The following NOMO1 variants were observed in gnomAD, a reference collection of about 807,000 sequenced individuals.
The protein encoded by NOMO1 is NODAL modulator 1, also known as nodal modulator 3.
Under a neutral mutation model 133.8 loss-of-function variants are expected in NOMO1, and 40 were observed. The ratio of observed to expected loss-of-function variants is 0.30; its 90% CI spans 0.23 to 0.39. The LOEUF (loss-of-function observed/expected upper bound fraction) is 0.39, where lower values mean the gene tolerates loss of function less well. NOMO1 is among the 10% of genes least tolerant of loss of function. NOMO1 has a pLI of 1.00. For missense variants in NOMO1, 462 were observed against 1,419.9 expected (o/e 0.33, Z 10.84); for synonymous variants, 236 against 570.5 (o/e 0.41, Z 8.36).
At chr16:14,846,466 T>C in intron 4 of NOMO1, 111 bp from the exon 5 acceptor site, 1 of 543,358 alleles carries the variant, frequency 1.8e-6, no homozygotes. Flanking sequence ...AATGGGATTC[T>C]TGACCCAAAG....
chr16:14,857,683 G>T (rs2606821), intron 11 of NOMO1, 28 bp downstream of exon 11: 12 of 1,613,518 alleles, frequency 7.4e-6, no homozygotes, highest in Middle Eastern at 1.7e-4. Flanking sequence ...ATTTGGAAGC[G>T]CCAGTAAATA....
intron 2 of NOMO1, among the ~76,000 whole-genome samples, chr16:14,839,678 A>G (rs1224214607): frequency 6.6e-6 from 1 of 151,202 alleles, no homozygotes; most frequent in African/African-American, 2.4e-5. Flanking sequence ...TTTCAATACC[A>G]GAGGGACATT....
At chr16:14,857,430 A>C in intron 10 of NOMO1, 75 bp from the exon 11 acceptor site, 1 of 1,576,250 alleles carries the variant, frequency 6.3e-7, no homozygotes, top group Middle Eastern at 2.0e-4. Context: ...CTTTTGGTCC[A>C]AGTATTCTGG....
chr16:14,851,031 C>A lies in NOMO1; in HGVS notation c.583-1399C>A, dbSNP rs1012745232. ...CCTGGGAGGTGGAGGTAGCAGTGAGCCAAGATTGCACCACTGCACTTCAGC... is the reference window on the plus strand; with the variant it reads ...CCTGGGAGGTGGAGGTAGCAGTGAGACAAGATTGCACCACTGCACTTCAGC... On this transcript the variant is annotated intron_variant, in intron 6 of 30. Transcript: ENST00000287667. 8.2e-4 allele frequency among the ~76,000 whole-genome samples: 119 copies of A among 144,434 alleles called. 1 individual carries two copies. The Middle Eastern group carries it at 0.01, about 13-fold the overall frequency. 94.8% of individuals were successfully genotyped at this position (144,434 alleles called of 152,430 possible).
chr16:14,876,409 T>C lies in NOMO1; in HGVS notation c.2407T>C (p.Leu803=). ...GATCCATGGGAAGGCAGGCCTGTTT[T>C]TAGAAGGCCAGATCCACCCCGAGTT... The part of the protein sequence containing the change: ...IEIHGKAGLF[L]EGQIHPELEG... The change falls in exon 21 of 31, where the codon TTA becomes CTA. Residue 803 remains leucine (L), a synonymous_variant. Transcript: ENST00000287667. 6.2e-7 allele frequency: 1 copy of C among 1,611,232 alleles called. No individual in the cohort carries two copies. The highest frequency in any genetic ancestry group is 8.5e-7 in the Non-Finnish European group (1 of 1,179,726).
chr16:14,840,740 C>T (rs1963593801), intron 2 of NOMO1, among the ~76,000 whole-genome samples: 1 of 147,276 alleles, frequency 6.8e-6, no homozygotes, highest in African/African-American at 2.5e-5. Context: ...TGGTTCACTG[C>T]AGCACTGACC....
intron 1 of NOMO1, among the ~76,000 whole-genome samples, chr16:14,836,544 A>T (rs1425752649): frequency 6.6e-6 from 1 of 151,778 alleles, no homozygotes; most frequent in Non-Finnish European, 1.5e-5. Context: ...TTTTACAGAC[A>T]TGGAAACTGA....
intron 18 of NOMO1, among the ~76,000 whole-genome samples, chr16:14,874,366 C>T (rs1259055897): frequency 6.6e-6 from 1 of 151,882 alleles, no homozygotes; most frequent in Admixed American, 6.6e-5. Flanking sequence ...GCTTGAACAT[C>T]TGAGTGAGCT....
At chr16:14,867,527 A>C (rs1029644119) in intron 15 of NOMO1, among the ~76,000 whole-genome samples, 2 of 108,342 alleles carry the variant, frequency 1.8e-5, no homozygotes, top group Middle Eastern at 4.5e-3. Context: ...GTTCCAGTGC[A>C]GGGGAAGAAG....
chr16:14,839,625 T>C (rs976331774), intron 2 of NOMO1, among the ~76,000 whole-genome samples: 3 of 150,238 alleles, frequency 2.0e-5, no homozygotes, highest in African/African-American at 7.3e-5. Context: ...AATCAAACAA[T>C]AGGATTTATT....
In NOMO1 at chr16:14,895,670, C is replaced by T. The variant is rs1487629007; in HGVS notation, c.*25C>T. ...AGGAGGAAGGGGACAGTTGCAGTCT[C>T]ACTTGGGACAGGCCACAGCCAGGGG... On this transcript the variant is annotated 3_prime_UTR_variant, in exon 31 of 31. Coordinates refer to ENST00000287667, the MANE Select transcript of NOMO1 (RefSeq NM_014287.4). 1 of 1,611,984 alleles carries T rather than the reference C, an allele frequency of 6.2e-7. No individual in the cohort carries two copies. Among genetic ancestry groups the T allele is most frequent in the Non-Finnish European group, 8.5e-7 (1 of 1,179,872 alleles).
intron 9 of NOMO1, 150 bp from the exon 10 acceptor site, chr16:14,857,067 T>A (rs2606824): frequency 9.5e-7 from 1 of 1,052,062 alleles, no homozygotes; most frequent in Non-Finnish European, 1.4e-6. Flanking sequence ...AGAGGGAGCC[T>A]GGCTGGCACA....
At position 14,890,241 on chromosome 16, in the gene NOMO1, CT is replaced by C. The variant is rs1324618330; in HGVS notation, c.3444+1027del. Among the ~76,000 whole-genome samples, 143 of 122,668 alleles carry C rather than the reference CT, an allele frequency of 1.2e-3. 2 individuals are homozygous for C. The highest frequency in any genetic ancestry group is 4.0e-3 in the African/African-American group (128 of 31,958). 80.5% of individuals were successfully genotyped at this position (122,668 alleles called of 152,430 possible). A position where few individuals can be genotyped will look rare whatever the true frequency, so the allele number is the denominator to read the frequency against. On this transcript the variant is annotated intron_variant, in intron 29 of 30. Transcript: ENST00000287667. Reference sequence around the variant, plus strand: ...TAAAGCTCAGATGCAGTATTGTCACCTGATGATTAAACAGACACATCAGCAA... The same window carrying C: ...TAAAGCTCAGATGCAGTATTGTCACCGATGATTAAACAGACACATCAGCAA...
intron 14 of NOMO1, among the ~76,000 whole-genome samples, chr16:14,865,665 G>T (rs1360188502): frequency 7.2e-6 from 1 of 138,806 alleles, no homozygotes; most frequent in East Asian, 2.1e-4. Context: ...CCTTTTCCTT[G>T]CCCTTCTTAA....
chr16:14,860,935 G>A (rs1437935353), intron 11 of NOMO1, among the ~76,000 whole-genome samples: 1 of 148,944 alleles, frequency 6.7e-6, no homozygotes, highest in Non-Finnish European at 1.5e-5. Flanking sequence ...GCTCACTGCA[G>A]CCTCCGCCTC....
chr16:14,858,553 CAA>C (rs1305704484), intron 11 of NOMO1, among the ~76,000 whole-genome samples: 1 of 151,676 alleles, frequency 6.6e-6, no homozygotes, highest in Non-Finnish European at 1.5e-5. Context: ...GCGGCATGAG[CAA>C]AGTCAGGCAG....
At chr16:14,866,722 G>C (rs1964002014) in intron 15 of NOMO1, 31 bp downstream of exon 15, 2 of 1,609,692 alleles carry the variant, frequency 1.2e-6, no homozygotes, top group Admixed American at 1.7e-5. Context: ...CTCTTATTTG[G>C]AAAAGCGCTC....
chr16:14,847,136 AG>A (rs1382129365), intron 5 of NOMO1, among the ~76,000 whole-genome samples: 2 of 133,338 alleles, frequency 1.5e-5, no homozygotes, highest in African/African-American at 2.9e-5. Flanking sequence ...CTGAGGCGGG[AG>A]GATTGCTTGA....
chr16:14,893,670 G>A (rs554786530), intron 29 of NOMO1, among the ~76,000 whole-genome samples: 6 of 151,390 alleles, frequency 4.0e-5, no homozygotes, highest in South Asian at 2.1e-4. Context: ...AGCAGTTCTC[G>A]GATGGGTTGG....
Sources: gnomAD v4.1 joint callset for allele counts (sites outside exome capture counted in the v4.1 genomes callset) on GRCh38, gnomAD v4.1.1 for gene constraint, MANE v1.5 for transcripts, NCBI Gene and HGNC (gene_info 2026-07-23, HGNC 2026-07-21) for gene names.